Variants in COL27A1 observed in about 807,000 individuals in gnomAD.
COL27A1 encodes collagen alpha-1(XXVII) chain.
Under a neutral mutation model 251.3 loss-of-function variants are expected in COL27A1, and 106 were observed. The ratio of observed to expected loss-of-function variants is 0.42; its 90% confidence interval spans 0.36 to 0.50. The LOEUF is 0.50. Ranked by LOEUF, COL27A1 falls within the 20% of genes least tolerant of loss-of-function variation. The pLI, the probability that COL27A1 is intolerant of heterozygous loss-of-function variation, is 0.00. For missense variants in COL27A1, 2,325 were observed against 2,522.8 expected (o/e 0.92, Z 1.68); for synonymous variants, 1,000 against 986.3 (o/e 1.01, Z -0.26).
chr9:114,246,196 T>TC (rs1415533563), intron 24 of COL27A1: 8 of 361,172 alleles, frequency 2.2e-5, no homozygotes, highest in Admixed American at 5.1e-5. Flanking sequence ...ATGTGACTGC[T>TC]CCCCCAGGAC....
chr9:114,220,416 A>G (rs2135384482), intron 13 of COL27A1, among the ~76,000 whole-genome samples: 1 of 152,126 alleles, frequency 6.6e-6, no homozygotes, highest in Non-Finnish European at 1.5e-5. Flanking sequence ...ATGGTTCCCC[A>G]TCTCCCCCTG....
intron 21 of COL27A1, among the ~76,000 whole-genome samples, chr9:114,241,477 G>C (rs1007814177): frequency 2.0e-5 from 3 of 152,258 alleles, no homozygotes; most frequent in Admixed American, 1.3e-4. Context: ...TGGCATGCCA[G>C]AAGGAGCCAA....
intron 35 of COL27A1, among the ~76,000 whole-genome samples, chr9:114,270,275 TTTGC>T (rs1564551595): frequency 1.3e-5 from 2 of 152,196 alleles, no homozygotes; most frequent in Admixed American, 1.3e-4. Flanking sequence ...ACCTAAGTAG[TTTGC>T]TTGCGGTCAA....
At chr9:114,271,072 C>T in intron 36 of COL27A1, 1 of 430,124 alleles carries the variant, frequency 2.3e-6, no homozygotes, top group South Asian at 3.7e-5. Flanking sequence ...TTCCTGAGCA[C>T]CGGCACTACG....
chr9:114,305,914 T>C (rs1829008531), intron 57 of COL27A1, among the ~76,000 whole-genome samples: 2 of 152,218 alleles, frequency 1.3e-5, no homozygotes, highest in Admixed American at 6.5e-5. Flanking sequence ...TATTTAGCTC[T>C]GATTTGTAGC....
At chr9:114,309,622 G>T in intron 60 of COL27A1, 144 bp downstream of exon 60, 1 of 702,334 alleles carries the variant, frequency 1.4e-6, no homozygotes, top group South Asian at 2.1e-5. Flanking sequence ...TTTCATCTTT[G>T]TGTAATATAA....
At chr9:114,303,070 C>T (rs1451359566) in intron 56 of COL27A1, among the ~76,000 whole-genome samples, 1 of 152,174 alleles carries the variant, frequency 6.6e-6, no homozygotes, top group Non-Finnish European at 1.5e-5. Flanking sequence ...GCAGCCTTCC[C>T]TTGTCCTTCT....
chr9:114,267,818 AT>A lies in COL27A1; in HGVS notation c.3501+262del, dbSNP rs563978565. ...TGGCTGTACCTCCTGGCCTCATGCG[AT>A]ACCATCTGCAGCTCGGTGCCAGTGC... On this transcript the variant is annotated intron_variant, in intron 34 of 60. Transcript: ENST00000356083. Among the ~76,000 whole-genome samples the A allele has an allele frequency of 2.4e-3, 371 of 152,274 alleles. 1 individual carries two copies. Among genetic ancestry groups the A allele is most frequent in the Middle Eastern group, 0.01 (3 of 294 alleles).
At chr9:114,196,425 A>T (rs1289641998) in intron 7 of COL27A1, among the ~76,000 whole-genome samples, 1 of 152,078 alleles carries the variant, frequency 6.6e-6, no homozygotes, top group Non-Finnish European at 1.5e-5. Flanking sequence ...CCTACATGAG[A>T]TGGAGACAAT....
rs185422762 is a variant in COL27A1, at chr9:114,208,237, A to G, written c.2269-1438A>G. Reference sequence around the variant, plus strand: ...TGGATCACCTGAGGCCAGGAGTTCGAGACCAGCCTGGTCAACATAGCGAAA... The same window carrying G: ...TGGATCACCTGAGGCCAGGAGTTCGGGACCAGCCTGGTCAACATAGCGAAA... On this transcript the variant is annotated intron_variant, in intron 10 of 60. Transcript: ENST00000356083. 3.5e-3 allele frequency among the ~76,000 whole-genome samples: 527 copies of G among 152,252 alleles called. 5 individuals carry two copies. Among genetic ancestry groups the G allele is most frequent in the African/African-American group, 0.012 (497 of 41,534 alleles).
chr9:114,277,015 G>T (rs753401303), intron 37 of COL27A1, among the ~76,000 whole-genome samples: 9 of 152,212 alleles, frequency 5.9e-5, no homozygotes, highest in Non-Finnish European at 7.3e-5. Flanking sequence ...ACTTAGGCCT[G>T]CATGACTCTA....
intron 16 of COL27A1, among the ~76,000 whole-genome samples, chr9:114,234,449 G>A (rs935267503): frequency 2.0e-5 from 3 of 152,110 alleles, no homozygotes; most frequent in Admixed American, 1.3e-4. Context: ...TCCCAGGGAT[G>A]TAAATGTTTT....
chr9:114,164,196 T>C (rs1188201065), intron 2 of COL27A1, among the ~76,000 whole-genome samples: 6 of 152,242 alleles, frequency 3.9e-5, no homozygotes, highest in African/African-American at 1.4e-4. Context: ...AAAGAGTACC[T>C]GCTCCATAGA....
chr9:114,244,211 G>A (rs557500106), intron 23 of COL27A1, among the ~76,000 whole-genome samples: 2 of 152,190 alleles, frequency 1.3e-5, no homozygotes, highest in African/African-American at 2.4e-5. Flanking sequence ...TCAAGAGATC[G>A]AAACTATCCT....
intron 41 of COL27A1, 146 bp from the exon 42 acceptor site, chr9:114,288,309 C>T (rs1261232368): frequency 2.3e-6 from 2 of 851,864 alleles, no homozygotes; most frequent in Admixed American, 4.0e-5. Context: ...GGCTCAGACA[C>T]ACCTACCCTT....
intron 45 of COL27A1, among the ~76,000 whole-genome samples, chr9:114,289,679 C>G (rs1487075171): frequency 6.6e-6 from 1 of 152,076 alleles, no homozygotes; most frequent in Non-Finnish European, 1.5e-5. Flanking sequence ...GCCCCAGGGC[C>G]CCTGCCTTCC....
intron 11 of COL27A1, among the ~76,000 whole-genome samples, chr9:114,210,386 T>A (rs1189410377): frequency 6.6e-6 from 1 of 152,096 alleles, no homozygotes; most frequent in Non-Finnish European, 1.5e-5. Context: ...TTTACTTGAG[T>A]AAAATGTGTT....
At chr9:114,274,379 C>T (rs1835349119) in intron 36 of COL27A1, 2 of 152,264 alleles carry the variant, frequency 1.3e-5, no homozygotes, top group African/African-American at 2.4e-5. Context: ...CAAAGTCCAG[C>T]TCCACCGCTA....
rs141277735 is a variant in COL27A1, at chr9:114,290,275, G to A, written c.4312G>A (p.Glu1438Lys). The change falls in exon 47 of 61, where the codon GAG becomes AAG. Residue 1438 changes from glutamate (E) to lysine (K), a missense_variant. Coordinates refer to ENST00000356083, the MANE Select transcript of COL27A1 (RefSeq NM_032888.4). This position sits in a 1 kb window ranked among gnomAD's most constrained non-coding sequence, Gnocchi z 4.6. ...PRGVVGRQGL[E>K]GIAGPDGLPG... ...GGGCGTGGTGGGGAGACAGGGCCTC[G>A]AGGGCATCGCTGGACCAGATGGGCT... 18 of 1,580,702 alleles carry A rather than the reference G, an allele frequency of 1.1e-5. No individual in the cohort carries two copies. The African/African-American group carries it at 1.3e-4, about 12-fold the overall frequency.
Sources: allele counts gnomAD v4.1 joint callset (sites outside exome capture counted in the v4.1 genomes callset), GRCh38; gene constraint gnomAD v4.1.1; non-coding constraint Gnocchi (gnomAD v3.1); transcripts MANE v1.5; gene names NCBI Gene and HGNC (gene_info 2026-07-23, HGNC 2026-07-21).